Variants in STPG2 observed in about 807,000 individuals in gnomAD.
STPG2 encodes sperm tail PG-rich repeat containing 2, also known as sperm-tail PG-rich repeat-containing protein 2.
In STPG2, 56 loss-of-function variants were observed where a neutral mutation model predicts 54.2. The observed-to-expected ratio is 1.03, with a 90% CI of 0.83 to 1.29. The LOEUF (loss-of-function observed/expected upper bound fraction) is 1.29, where lower values mean the gene tolerates loss of function less well. Ranked by LOEUF, STPG2 falls within the 50% of genes most tolerant of loss-of-function variation. STPG2 has a pLI of 0.00. For missense variants in STPG2, 596 were observed against 544.9 expected (o/e 1.09, Z -0.93); for synonymous variants, 200 against 181.8 (o/e 1.10, Z -0.81).
At chr4:97,576,681 G>T (rs967228513) in intron 10 of STPG2, among the ~76,000 whole-genome samples, 14 of 152,028 alleles carry the variant, frequency 9.2e-5, no homozygotes, top group Non-Finnish European at 2.1e-4. Context: ...CTGGACACTG[G>T]CTTTGACAAA....
chr4:97,708,525 G>T (rs527701666), intron 10 of STPG2, among the ~76,000 whole-genome samples: 2 of 151,840 alleles, frequency 1.3e-5, no homozygotes, highest in African/African-American at 4.8e-5. Context: ...GTGATTCTAA[G>T]AATTTTTCCT....
intron 5 of STPG2, among the ~76,000 whole-genome samples, chr4:98,001,436 A>G (rs1735413201): frequency 6.6e-6 from 1 of 151,952 alleles, no homozygotes; most frequent in Non-Finnish European, 1.5e-5. Flanking sequence ...GTGAACTTCC[A>G]CAGAGTTCCT....
At chr4:97,888,791 A>G (rs1486003385) in intron 8 of STPG2, among the ~76,000 whole-genome samples, 1 of 152,166 alleles carries the variant, frequency 6.6e-6, no homozygotes, top group African/African-American at 2.4e-5. Flanking sequence ...TCCCTGCCCA[A>G]ATATCATGTC....
At chr4:97,453,923 A>G (rs1163683329) in intron 4 of STPG2, among the ~76,000 whole-genome samples, 1 of 152,098 alleles carries the variant, frequency 6.6e-6, no homozygotes, top group Non-Finnish European at 1.5e-5. Context: ...AGGTGGAGGT[A>G]TAAGGCTTTA....
intron 5 of STPG2, among the ~76,000 whole-genome samples, chr4:98,017,250 G>C (rs1202615407): frequency 6.6e-6 from 1 of 152,234 alleles, no homozygotes; most frequent in African/African-American, 2.4e-5. Flanking sequence ...AGAGTCTGTA[G>C]CCATCACTGC....
intron 5 of STPG2, among the ~76,000 whole-genome samples, chr4:98,080,631 T>TAAA (rs1294646261): frequency 6.6e-6 from 1 of 152,142 alleles, no homozygotes; most frequent in African/African-American, 2.4e-5. Flanking sequence ...TCTCAAATGA[T>TAAA]AAATGGAGTT....
At chr4:97,871,678 G>C (rs867923965) in intron 8 of STPG2, among the ~76,000 whole-genome samples, 1 of 151,094 alleles carries the variant, frequency 6.6e-6, no homozygotes, top group African/African-American at 2.4e-5. Context: ...ATCAGACCCA[G>C]ATTTCACTGG....
At chr4:97,675,926 A>G (rs1008684605) in intron 10 of STPG2, among the ~76,000 whole-genome samples, 3 of 146,864 alleles carry the variant, frequency 2.0e-5, no homozygotes, top group African/African-American at 7.4e-5. Context: ...ATATATACAT[A>G]TATGTATATG....
At chr4:97,976,923 T>C (rs1262482414) in intron 6 of STPG2, among the ~76,000 whole-genome samples, 4 of 152,160 alleles carry the variant, frequency 2.6e-5, no homozygotes, top group African/African-American at 9.7e-5. Context: ...TAGAAATAAT[T>C]TGGATTTCAG....
At chr4:98,105,329 G>A (rs1413910812) in intron 5 of STPG2, among the ~76,000 whole-genome samples, 1 of 152,134 alleles carries the variant, frequency 6.6e-6, no homozygotes, top group Non-Finnish European at 1.5e-5. Flanking sequence ...AGCTTCTAAT[G>A]ACCCCAGGAA....
intron 9 of STPG2, among the ~76,000 whole-genome samples, chr4:97,807,846 CAT>C (rs997353326): frequency 6.6e-6 from 1 of 151,862 alleles, no homozygotes; most frequent in Non-Finnish European, 1.5e-5. Context: ...CTAGGTACAT[CAT>C]AGTAAAATTT....
In STPG2 at chr4:97,780,924, T is replaced by C. The variant is rs186857449; in HGVS notation, c.1204+59849A>G. ...ACATACCAGAATCTCTGGGACACAT[T>C]TAAAGCAGTGGGTAGAGGGAAATTT... On this transcript the variant is annotated intron_variant, in intron 9 of 10. Transcript: ENST00000295268. 4.6e-5 allele frequency among the ~76,000 whole-genome samples: 7 copies of C among 151,502 alleles called. No individual in the cohort carries two copies. In the East Asian group the frequency reaches 1.4e-3, roughly 29 times the overall value.
At chr4:97,530,704 A>G (rs111307302) in intron 4 of STPG2, among the ~76,000 whole-genome samples, 2,212 of 152,352 alleles carry the variant, frequency 0.015, 55 homozygotes, top group African/African-American at 0.051. Flanking sequence ...CAATCACAAT[A>G]CCTGGTTTTA....
rs199813396 is a variant in STPG2 at position 97,766,233 on chromosome 4, TC to T, written c.1205-53420del. ...TCCTTTATGTCTTGGTTTTCTTCTTTCATTCTGTTCTTGTTCAACCATTGTG... is the reference window on the plus strand; with the variant it reads ...TCCTTTATGTCTTGGTTTTCTTCTTTATTCTGTTCTTGTTCAACCATTGTG... On this transcript the variant is annotated intron_variant, in intron 9 of 10. Coordinates refer to ENST00000295268, the MANE Select transcript of STPG2 (RefSeq NM_174952.3). 6.0e-4 allele frequency among the ~76,000 whole-genome samples: 92 copies of T among 152,232 alleles called. No individual in the cohort carries two copies. The East Asian group carries it at 0.016, about 26-fold the overall frequency.
At chr4:97,853,203 T>C (rs1729225286) in intron 8 of STPG2, among the ~76,000 whole-genome samples, 1 of 151,960 alleles carries the variant, frequency 6.6e-6, no homozygotes, top group African/African-American at 2.4e-5. Flanking sequence ...CCTGGCCTCG[T>C]GATCCGCCCA....
chr4:98,125,596 G>A (rs1053303423), intron 3 of STPG2, among the ~76,000 whole-genome samples: 1 of 152,124 alleles, frequency 6.6e-6, no homozygotes, highest in Non-Finnish European at 1.5e-5. Context: ...GAACACTCCT[G>A]TATGAGGTGT....
Position 98,128,536 on chromosome 4 carries a change from A to G in STPG2, c.279T>C (p.Ser93=), listed in dbSNP as rs772711239. The G allele has an allele frequency of 3.1e-6, 5 of 1,612,314 alleles. No homozygotes were observed. Among genetic ancestry groups the G allele is most frequent in the East Asian group, 2.2e-5 (1 of 44,802 alleles). Residue 93 remains serine (S), a synonymous_variant, in exon 3 of 11, where the codon TCT becomes TCC. Transcript: ENST00000295268. ...TRSVDVPSIP[S]CGKSYGYHIN... ...TATGATAACCATATGACTTTCCACA[A>G]GAAGGAATTGAAGGAACATCAACAC... is the stretch of plus-strand genomic sequence containing the variant.
At chr4:97,813,944 G>C (rs1235932787) in intron 9 of STPG2, among the ~76,000 whole-genome samples, 3 of 151,930 alleles carry the variant, frequency 2.0e-5, no homozygotes, top group African/African-American at 7.2e-5. Context: ...AATGCATTCT[G>C]TTAGAATCCA....
chr4:97,863,267 C>T (rs911693835), intron 8 of STPG2, among the ~76,000 whole-genome samples: 9 of 152,214 alleles, frequency 5.9e-5, no homozygotes, highest in South Asian at 2.1e-4. Context: ...AAGGGGATAT[C>T]ACCACCGATC....
Sources: gnomAD v4.1 joint callset for allele counts (sites outside exome capture counted in the v4.1 genomes callset) on GRCh38, gnomAD v4.1.1 for gene constraint, MANE v1.5 for transcripts, NCBI Gene and HGNC (gene_info 2026-07-23, HGNC 2026-07-21) for gene names.